The following THSD4 variants were observed in gnomAD, a reference collection of about 807,000 sequenced individuals.
THSD4 encodes thrombospondin type-1 domain-containing protein 4.
THSD4 carries 69 observed loss-of-function variants against 119.0 expected under a neutral mutation model. The ratio of observed to expected loss-of-function variants is 0.58; its 90% CI spans 0.48 to 0.71. The LOEUF (loss-of-function observed/expected upper bound fraction) is 0.71, where lower values mean the gene tolerates loss of function less well. THSD4 is among the 30% of genes least tolerant of loss of function. The pLI, the probability that THSD4 is intolerant of heterozygous loss-of-function variation, is 0.00. For missense variants in THSD4, 1,393 were observed against 1,391.1 expected (o/e 1.00, Z -0.02); for synonymous variants, 524 against 540.4 (o/e 0.97, Z 0.42).
chr15:71,496,128 T>G (rs1476945595), intron 7 of THSD4, among the ~76,000 whole-genome samples: 1 of 152,238 alleles, frequency 6.6e-6, no homozygotes, highest in Non-Finnish European at 1.5e-5. Context: ...CGTCGCTTGT[T>G]CTAGGTGAAT....
chr15:71,163,827 T>C (rs559311328), intron 3 of THSD4, among the ~76,000 whole-genome samples: 2 of 150,380 alleles, frequency 1.3e-5, no homozygotes, highest in South Asian at 4.3e-4. Flanking sequence ...AAAAATTTAA[T>C]ATGGCAGTCT....
intron 3 of THSD4, among the ~76,000 whole-genome samples, chr15:71,181,655 C>T (rs1339249161): frequency 6.6e-6 from 1 of 152,180 alleles, no homozygotes; most frequent in Non-Finnish European, 1.5e-5. Flanking sequence ...CTTTGCCATC[C>T]CCAGCTTTGG....
intron 3 of THSD4, among the ~76,000 whole-genome samples, chr15:71,190,190 G>A (rs537049003): frequency 2.4e-4 from 36 of 152,254 alleles, no homozygotes; most frequent in African/African-American, 8.2e-4. Flanking sequence ...CAATCAAATG[G>A]TGTTGGCTCA....
chr15:71,436,245 T>C (rs2047011837), intron 7 of THSD4, among the ~76,000 whole-genome samples: 1 of 152,088 alleles, frequency 6.6e-6, no homozygotes, highest in Non-Finnish European at 1.5e-5. Flanking sequence ...ATCCTACTTC[T>C]ACCCTGTGAT....
chr15:71,194,592 C>T (rs2585025), intron 3 of THSD4, among the ~76,000 whole-genome samples: 108,892 of 152,170 alleles, frequency 0.72, 42,945 homozygotes, highest in Non-Finnish European at 0.86. Context: ...ATTCTCTTAC[C>T]GAAGACAAGG....
chr15:71,188,371 C>G (rs1358435679), intron 3 of THSD4, among the ~76,000 whole-genome samples: 1 of 152,066 alleles, frequency 6.6e-6, no homozygotes. Context: ...GGAGCTTCCT[C>G]TGGGAAGAGG....
At chr15:71,326,344 GGTGGTGGTGATGATGATA>G (rs1029507641) in intron 6 of THSD4, among the ~76,000 whole-genome samples, 2 of 151,990 alleles carry the variant, frequency 1.3e-5, no homozygotes, top group South Asian at 2.1e-4. Flanking sequence ...CTCAGAAAAT[GGTGGTGGTGATGATGATA>G]GTGGTGGTGA....
At chr15:71,261,982 C>T (rs1405242001) in intron 6 of THSD4, among the ~76,000 whole-genome samples, 1 of 152,164 alleles carries the variant, frequency 6.6e-6, no homozygotes, top group Non-Finnish European at 1.5e-5. Flanking sequence ...TCTTAAATGG[C>T]TCCCAGGCTG....
chr15:71,242,581 A>C, intron 4 of THSD4, 68 bp from the exon 5 acceptor site: 6 of 1,530,992 alleles, frequency 3.9e-6, no homozygotes, highest in Non-Finnish European at 5.4e-6. Flanking sequence ...ACCACGGACC[A>C]GAGCTTCTGA....
intron 7 of THSD4, among the ~76,000 whole-genome samples, chr15:71,584,601 C>A (rs923387552): frequency 6.6e-6 from 1 of 152,050 alleles, no homozygotes; most frequent in Non-Finnish European, 1.5e-5. Flanking sequence ...AGTGTTTATC[C>A]TTAAAGCTAA....
At chr15:71,750,865 G>A (rs60359363) in intron 14 of THSD4, among the ~76,000 whole-genome samples, 2,106 of 152,262 alleles carry the variant, frequency 0.014, 50 homozygotes, top group African/African-American at 0.047. Context: ...AAACATTAGC[G>A]CATGGTACTG....
rs1343623493 is a variant in THSD4, at chr15:71,295,420, G to A, written c.1015+38705G>A. On this transcript the variant is annotated intron_variant, in intron 6 of 17. Transcript: ENST00000261862. ...AACAAACCAGCTTCCTGCGAGTTAA[G>A]GGGGAAAAGGGTTTAATGGGGACTG... 2.0e-5 allele frequency among the ~76,000 whole-genome samples: 3 copies of A among 152,134 alleles called. No homozygotes were observed. In the East Asian group the frequency reaches 5.8e-4, roughly 29 times the overall value.
chr15:71,529,626 G>C (rs1284265148), intron 7 of THSD4, among the ~76,000 whole-genome samples: 1 of 152,182 alleles, frequency 6.6e-6, no homozygotes, highest in African/African-American at 2.4e-5. Context: ...GGGAAGCTTA[G>C]TAAAGACAGA....
At chr15:71,516,342 T>C (rs1041400656) in intron 7 of THSD4, among the ~76,000 whole-genome samples, 4 of 152,208 alleles carry the variant, frequency 2.6e-5, no homozygotes, top group Middle Eastern at 3.4e-3. Flanking sequence ...AGGGTTGGAG[T>C]GTTGGTCGTG....
Position 71,666,000 on chromosome 15 carries a change from C to A in THSD4, c.1357+5266C>A, listed in dbSNP as rs554984723. ...TGGCCTTTGGGGCTCTTTTTTTGAT[C>A]CATATGCATTTTAAAATAGTTTTTT... is the stretch of plus-strand genomic sequence containing the variant. On this transcript the variant is annotated intron_variant, in intron 8 of 17. Coordinates refer to ENST00000261862, the MANE Select transcript of THSD4 (RefSeq NM_024817.3). Among the ~76,000 whole-genome samples the A allele has an allele frequency of 3.3e-5, 5 of 152,128 alleles. No homozygotes were observed. In the East Asian group the frequency reaches 9.7e-4, roughly 29 times the overall value.
intron 6 of THSD4, among the ~76,000 whole-genome samples, chr15:71,297,321 TTTG>T (rs1051514623): frequency 1.8e-5 from 2 of 112,250 alleles, no homozygotes; most frequent in African/African-American, 6.7e-5. Flanking sequence ...TCTTCTTTTT[TTTG>T]TTTGTTTGTT....
At chr15:71,202,177 G>A (rs540878994) in intron 3 of THSD4, among the ~76,000 whole-genome samples, 1 of 152,220 alleles carries the variant, frequency 6.6e-6, no homozygotes, top group East Asian at 1.9e-4. Flanking sequence ...TCTGGGAAGG[G>A]GACTTTGCAC....
chr15:71,267,547 GA>G (rs1198725773), intron 6 of THSD4, among the ~76,000 whole-genome samples: 2 of 152,176 alleles, frequency 1.3e-5, no homozygotes, highest in African/African-American at 4.8e-5. Context: ...TGAAGAAACC[GA>G]ATCAACTAAT....
intron 6 of THSD4, among the ~76,000 whole-genome samples, chr15:71,328,165 G>T (rs142060070): frequency 6.6e-6 from 1 of 152,156 alleles, no homozygotes; most frequent in Non-Finnish European, 1.5e-5. Context: ...CCGTATTTTC[G>T]TGCTTCTTGT....
Sources: allele counts gnomAD v4.1 joint callset (sites outside exome capture counted in the v4.1 genomes callset), GRCh38; gene constraint gnomAD v4.1.1; transcripts MANE v1.5; gene names NCBI Gene and HGNC (gene_info 2026-07-23, HGNC 2026-07-21).